Variants in PCDHA4 observed in about 807,000 individuals in gnomAD.
PCDHA4 encodes the protein protocadherin alpha-4.
In PCDHA4, 49 loss-of-function variants were observed where a neutral mutation model predicts 61.4. The ratio of observed to expected loss-of-function variants is 0.80; its 90% CI spans 0.63 to 1.01. PCDHA4 has a LOEUF of 1.01. PCDHA4 is among the 50% of genes least tolerant of loss of function. PCDHA4 has a pLI of 0.00. For missense variants in PCDHA4, 1,254 were observed against 1,235.8 expected (o/e 1.01, Z -0.22); for synonymous variants, 590 against 550.3 (o/e 1.07, Z -1.01).
At chr5:140,858,321 C>A in intron 1 of PCDHA4, 1 of 1,596,814 alleles carries the variant, frequency 6.3e-7, no homozygotes, top group Non-Finnish European at 8.6e-7. Flanking sequence ...AGGGTGTGTT[C>A]TGGGGAGGGC....
chr5:140,925,878 ACCT>A (rs1554202987), intron 1 of PCDHA4, among the ~76,000 whole-genome samples: 1 of 151,658 alleles, frequency 6.6e-6, no homozygotes. Flanking sequence ...CTGGTTTATA[ACCT>A]CCTCTTTCAC....
chr5:140,967,888 G>A, intron 1 of PCDHA4: 1 of 1,614,138 alleles, frequency 6.2e-7, no homozygotes, highest in South Asian at 1.1e-5. Context: ...ATAGCCCAGT[G>A]CCTGAGAATG....
At chr5:140,828,379 C>A in intron 1 of PCDHA4, 2 of 1,614,236 alleles carry the variant, frequency 1.2e-6, no homozygotes, top group Non-Finnish European at 1.7e-6. Flanking sequence ...AGGAGCTGTG[C>A]GGGCGGAGCG....
At chr5:140,884,550 G>C (rs781916237) in intron 1 of PCDHA4, 2 of 1,614,118 alleles carry the variant, frequency 1.2e-6, no homozygotes, top group Non-Finnish European at 1.7e-6. Flanking sequence ...GTGTGCTCTG[G>C]GGAGGGCCCG....
intron 1 of PCDHA4, among the ~76,000 whole-genome samples, chr5:140,918,467 C>T (rs2078709178): frequency 6.6e-6 from 1 of 152,006 alleles, no homozygotes; most frequent in Non-Finnish European, 1.5e-5. Context: ...TGTCTTATTC[C>T]AAGTCTCAAG....
intron 1 of PCDHA4, chr5:140,841,554 G>A (rs2150318076): frequency 0.54 from 859,933 of 1,603,294 alleles, 234,437 homozygotes; most frequent in African/African-American, 0.71. Context: ...CTGGAGGTAA[G>A]TCTGCAGAAT....
chr5:140,844,328 A>T (rs2150370621), intron 1 of PCDHA4, among the ~76,000 whole-genome samples: 8 of 149,410 alleles, frequency 5.4e-5, no homozygotes, highest in Non-Finnish European at 9.0e-5. Flanking sequence ...TTTATTATAA[A>T]CTAGTTAAAA....
chr5:140,927,157 G>A (rs868936673), intron 1 of PCDHA4: 2 of 1,614,144 alleles, frequency 1.2e-6, no homozygotes, highest in South Asian at 2.2e-5. Flanking sequence ...GCTGTGCAGG[G>A]CCAAAGCTGC....
intron 3 of PCDHA4, among the ~76,000 whole-genome samples, chr5:141,007,395 C>CAAA (rs35800918): frequency 7.4e-5 from 7 of 94,852 alleles, no homozygotes; most frequent in Non-Finnish European, 1.2e-4. Flanking sequence ...TACTAAAATA[C>CAAA]AAAAAAAAAA....
chr5:140,938,215 G>C (rs1270663444), intron 1 of PCDHA4, among the ~76,000 whole-genome samples: 3 of 152,100 alleles, frequency 2.0e-5, no homozygotes, highest in Non-Finnish European at 4.4e-5. Context: ...CAAAGTGCTG[G>C]GATTACAGGC....
rs202184948 is a variant in PCDHA4 at position 140,888,065 on chromosome 5, T to C, written c.2385+78493T>C. 4.6e-5 allele frequency among the ~76,000 whole-genome samples: 7 copies of C among 152,338 alleles called. No homozygotes were observed. The East Asian group carries it at 5.8e-4, about 13-fold the overall frequency. On this transcript the variant is annotated intron_variant, in intron 1 of 3. Transcript: ENST00000530339. Reference sequence around the variant, plus strand: ...TATAATAGATGTTTTAACTTTCTTGTCTGCTAATTTCAACATTTTTGTCCT... The same window carrying C: ...TATAATAGATGTTTTAACTTTCTTGCCTGCTAATTTCAACATTTTTGTCCT...
chr5:140,967,087 G>A (rs782556858), intron 1 of PCDHA4: 5 of 1,613,256 alleles, frequency 3.1e-6, no homozygotes, highest in South Asian at 1.1e-5. Flanking sequence ...GCATTGATCG[G>A]GAGGCGCTGT....
In PCDHA4 at chr5:140,863,325, AGT is replaced by A. The variant is rs1554158100; in HGVS notation, c.2385+53755_2385+53756del. 4 of 1,432,658 alleles carry A rather than the reference AGT, an allele frequency of 2.8e-6. No individual in the cohort carries two copies. In the African/African-American group the frequency reaches 5.7e-5, roughly 21 times the overall value. The allele number at this position is 1,432,658 out of a possible 1,614,324, so 88.7% of individuals were successfully genotyped here. On this transcript the variant is annotated intron_variant, in intron 1 of 3. Transcript: ENST00000530339. ...CCATCTGCGTGGTGTCCAGCCTGTT[AGT>A]GCTCACGTTGCTGCTGTACACGACG...
chr5:140,822,265 A>C, intron 1 of PCDHA4: 1 of 1,614,272 alleles, frequency 6.2e-7, no homozygotes, highest in Non-Finnish European at 8.5e-7. Flanking sequence ...TATTGGAGCA[A>C]ATGCACAATT....
At chr5:140,812,232 G>A (rs1320284400) in intron 1 of PCDHA4, 1 of 151,718 alleles carries the variant, frequency 6.6e-6, no homozygotes, top group Non-Finnish European at 1.5e-5. Flanking sequence ...TTATGATTAT[G>A]TCTTGGTAGT....
rs1487503403 is a variant in PCDHA4 at position 140,941,191 on chromosome 5, T to TTTCTTTC, written c.2386-37756_2386-37755insCTTTCTT. Among the ~76,000 whole-genome samples, 158 of 93,240 alleles carry TTTCTTTC rather than the reference T, an allele frequency of 1.7e-3. 2 individuals carry two copies. Among genetic ancestry groups the TTTCTTTC allele is most frequent in the South Asian group, 0.011 (38 of 3,542 alleles). 61.2% of individuals were successfully genotyped at this position (93,240 alleles called of 152,430 possible). A position where few individuals can be genotyped will look rare whatever the true frequency, so the allele number is the denominator to read the frequency against. ...CATCTTGAACATCCTGCTTCTTTTT[T>TTTCTTTC]TTTCTTTCTTCCTTTCTTTCTTCCT... On this transcript the variant is annotated intron_variant, in intron 1 of 3. Transcript: ENST00000530339.
chr5:140,819,605 C>T (rs1261438222), intron 1 of PCDHA4, among the ~76,000 whole-genome samples: 1 of 152,002 alleles, frequency 6.6e-6, no homozygotes, highest in Non-Finnish European at 1.5e-5. Flanking sequence ...CCTGTGGAGT[C>T]TCCCATGAAA....
intron 1 of PCDHA4, among the ~76,000 whole-genome samples, chr5:140,945,740 C>A (rs966678098): frequency 5.9e-5 from 9 of 151,998 alleles, no homozygotes; most frequent in African/African-American, 2.2e-4. Flanking sequence ...AAAAGGACAG[C>A]CTCTTCAATA....
chr5:140,965,326 A>T (rs184855153), intron 1 of PCDHA4, among the ~76,000 whole-genome samples: 1 of 152,298 alleles, frequency 6.6e-6, no homozygotes, highest in African/African-American at 2.4e-5. Context: ...TACTGAAGTG[A>T]ATTTGTTGTC....
Sources: gnomAD v4.1 joint callset for allele counts (sites outside exome capture counted in the v4.1 genomes callset) on GRCh38, gnomAD v4.1.1 for gene constraint, MANE v1.5 for transcripts, NCBI Gene and HGNC (gene_info 2026-07-23, HGNC 2026-07-21) for gene names.